Variants in CMIP observed in about 807,000 individuals in gnomAD.
The protein encoded by CMIP is c-Maf inducing protein, also known as C-Maf-inducing protein.
In CMIP, 13 loss-of-function variants were observed where a neutral mutation model predicts 97.3. The observed-to-expected ratio is 0.13, with a 90% CI of 0.09 to 0.21. CMIP has a LOEUF of 0.21. Among genes scored for constraint, CMIP ranks in the 10% least tolerant of loss-of-function variants. CMIP has a pLI of 1.00. For synonymous variants in CMIP, 538 were observed against 436.3 expected (o/e 1.23, Z -2.91); for missense variants, 847 against 1,024.9 (o/e 0.83, Z 2.37).
At chr16:81,578,992 A>T (rs947437967) in intron 1 of CMIP, among the ~76,000 whole-genome samples, 2 of 152,226 alleles carry the variant, frequency 1.3e-5, no homozygotes, top group African/African-American at 4.8e-5. Context: ...ACAGTTCCAG[A>T]TCTAGCTCAG....
intron 1 of CMIP, among the ~76,000 whole-genome samples, chr16:81,492,462 A>T (rs1360715622): frequency 6.6e-6 from 1 of 152,172 alleles, no homozygotes; most frequent in Admixed American, 6.5e-5. Context: ...TGAAGATGAA[A>T]AAGTGTCCCT....
intron 4 of CMIP, among the ~76,000 whole-genome samples, chr16:81,653,389 T>A (rs2092450213): frequency 6.6e-6 from 1 of 152,142 alleles, no homozygotes; most frequent in South Asian, 2.1e-4. Flanking sequence ...GTAGAGAAGG[T>A]CCCTCACTCC....
intron 10 of CMIP, among the ~76,000 whole-genome samples, chr16:81,683,963 G>T (rs1379074055): frequency 6.6e-6 from 1 of 151,612 alleles, no homozygotes; most frequent in Admixed American, 6.6e-5. Flanking sequence ...GTTTCGCCAT[G>T]TTGACCAGGC....
At chr16:81,533,098 T>G (rs568599194) in intron 1 of CMIP, among the ~76,000 whole-genome samples, 1 of 152,318 alleles carries the variant, frequency 6.6e-6, no homozygotes, top group South Asian at 2.1e-4. Flanking sequence ...TGGCACCCAC[T>G]CCCACAATTT....
chr16:81,696,781 AAC>A, intron 14 of CMIP, 114 bp downstream of exon 14: 2 of 867,158 alleles, frequency 2.3e-6, no homozygotes, highest in South Asian at 1.7e-5. Flanking sequence ...TTTCCCGGCT[AAC>A]ACAGTGCTGA....
intron 1 of CMIP, among the ~76,000 whole-genome samples, chr16:81,475,654 T>C (rs1239571482): frequency 2.0e-5 from 3 of 152,118 alleles, no homozygotes; most frequent in African/African-American, 4.8e-5. Flanking sequence ...AGAGGGGTGC[T>C]CTCCTGAGCT....
intron 3 of CMIP, among the ~76,000 whole-genome samples, chr16:81,644,562 G>C (rs372401865): frequency 1.3e-5 from 2 of 152,224 alleles, no homozygotes; most frequent in African/African-American, 2.4e-5. Context: ...GATGCTCACC[G>C]GATTGAAGGG....
intron 1 of CMIP, chr16:81,464,565 T>A (rs1312221421): frequency 3.3e-5 from 5 of 152,208 alleles, no homozygotes; most frequent in Admixed American, 6.5e-5. Context: ...TTTAAAAAAA[T>A]TTTTTTATTG....
intron 1 of CMIP, among the ~76,000 whole-genome samples, chr16:81,527,388 A>C (rs1036376314): frequency 6.6e-6 from 1 of 151,656 alleles, no homozygotes; most frequent in African/African-American, 2.4e-5. Flanking sequence ...ACCAACAGGG[A>C]CATGTTCATT....
intron 1 of CMIP, among the ~76,000 whole-genome samples, chr16:81,580,294 G>A (rs969221790): frequency 6.6e-6 from 1 of 152,162 alleles, no homozygotes; most frequent in African/African-American, 2.4e-5. Context: ...CGGCTCTGGA[G>A]CCTGTTTGTG....
At chr16:81,552,284 C>T (rs982728717) in intron 1 of CMIP, among the ~76,000 whole-genome samples, 4 of 152,080 alleles carry the variant, frequency 2.6e-5, no homozygotes, top group African/African-American at 2.4e-5. Flanking sequence ...TGGTGGTTCC[C>T]GAGGGTATCC....
intron 1 of CMIP, among the ~76,000 whole-genome samples, chr16:81,581,821 A>T (rs937027150): frequency 6.6e-6 from 1 of 152,172 alleles, no homozygotes; most frequent in African/African-American, 2.4e-5. Context: ...TGATCCCCAG[A>T]ACCCTTTAGT....
chr16:81,522,063 A>G lies in CMIP; in HGVS notation c.300+76522A>G, dbSNP rs768467800. 1.1e-4 allele frequency among the ~76,000 whole-genome samples: 16 copies of G among 152,176 alleles called. No homozygotes were observed. The South Asian group carries it at 2.1e-3, about 20-fold the overall frequency. ...ATATTTAGGAGCCAAGTGCAGACGGATGAGGTTTCTGCTTGTCCATTCACA... is the reference window on the plus strand; with the variant it reads ...ATATTTAGGAGCCAAGTGCAGACGGGTGAGGTTTCTGCTTGTCCATTCACA... On this transcript the variant is annotated intron_variant, in intron 1 of 20. Coordinates refer to ENST00000537098, the MANE Select transcript of CMIP (RefSeq NM_198390.3).
intron 10 of CMIP, among the ~76,000 whole-genome samples, chr16:81,679,417 G>C (rs1222797389): frequency 6.6e-6 from 1 of 152,094 alleles, no homozygotes; most frequent in Non-Finnish European, 1.5e-5. Flanking sequence ...TTGCAGGTAT[G>C]TGCATGAGCC....
At chr16:81,546,955 G>A (rs1388313608) in intron 1 of CMIP, among the ~76,000 whole-genome samples, 1 of 152,206 alleles carries the variant, frequency 6.6e-6, no homozygotes, top group Non-Finnish European at 1.5e-5. Flanking sequence ...TGCATCGCGA[G>A]AGCTCCCTGG....
chr16:81,610,538 C>G (rs1179429823), intron 2 of CMIP: 1 of 985,414 alleles, frequency 1.0e-6, no homozygotes, highest in African/African-American at 1.7e-5. Context: ...AAGGGGAACC[C>G]AGGTGGGTGC....
chr16:81,595,520 C>T (rs2091541143), intron 1 of CMIP, among the ~76,000 whole-genome samples: 1 of 151,860 alleles, frequency 6.6e-6, no homozygotes, highest in Non-Finnish European at 1.5e-5. Context: ...TCTTGAGTAG[C>T]TGGGACTACA....
intron 1 of CMIP, among the ~76,000 whole-genome samples, chr16:81,563,919 C>T (rs570165300): frequency 3.3e-5 from 5 of 152,358 alleles, no homozygotes; most frequent in Admixed American, 2.6e-4. Flanking sequence ...CATGCTGCAG[C>T]CTAGCTGTCT....
At chr16:81,537,695 C>T (rs1005438223) in intron 1 of CMIP, among the ~76,000 whole-genome samples, 4 of 150,380 alleles carry the variant, frequency 2.7e-5, no homozygotes, top group Non-Finnish European at 1.5e-5. Context: ...GTGAGACGCC[C>T]ATCTCTGTTG....
Sources: allele counts gnomAD v4.1 joint callset (sites outside exome capture counted in the v4.1 genomes callset), GRCh38; gene constraint gnomAD v4.1.1; transcripts MANE v1.5; gene names NCBI Gene and HGNC (gene_info 2026-07-23, HGNC 2026-07-21).